The following SLIT2 variants were observed in gnomAD, a reference collection of about 807,000 sequenced individuals.
SLIT2 encodes the protein slit guidance ligand 2, also known as slit homolog 2 protein.
A neutral mutation model predicts 185.7 loss-of-function variants in SLIT2; 41 were observed. The observed-to-expected ratio is 0.22, with a 90% confidence interval of 0.17 to 0.29. The LOEUF (loss-of-function observed/expected upper bound fraction) is 0.29. Ranked by LOEUF, SLIT2 falls within the 10% of genes least tolerant of loss-of-function variation. The pLI, the probability that SLIT2 is intolerant of heterozygous loss-of-function variation, is 1.00. For missense variants in SLIT2, 1,571 were observed against 1,909.0 expected (o/e 0.82, Z 3.30); for synonymous variants, 693 against 680.2 (o/e 1.02, Z -0.29).
At position 20,380,235 on chromosome 4, in the gene SLIT2, A is replaced by T. The variant is rs529368920; in HGVS notation, c.396-87517A>T. 2.0e-5 allele frequency among the ~76,000 whole-genome samples: 3 copies of T among 152,288 alleles called. No individual in the cohort carries two copies. The East Asian group carries it at 5.8e-4, about 29-fold the overall frequency. On this transcript the variant is annotated intron_variant, in intron 4 of 36. Transcript: ENST00000504154. ...AGTCCCAGATCAAATGCTCTTCTGGACTTCCCTTAACAAATCTTATAAGCA... is the reference window on the plus strand; with the variant it reads ...AGTCCCAGATCAAATGCTCTTCTGGTCTTCCCTTAACAAATCTTATAAGCA...
At chr4:20,483,247 T>C (rs1447132202) in intron 6 of SLIT2, among the ~76,000 whole-genome samples, 3 of 151,990 alleles carry the variant, frequency 2.0e-5, no homozygotes, top group Admixed American at 6.6e-5. Context: ...TGGTCATTGA[T>C]GAAAAGTATC....
At chr4:20,260,395 T>G (rs914702208) in intron 3 of SLIT2, among the ~76,000 whole-genome samples, 4 of 151,842 alleles carry the variant, frequency 2.6e-5, no homozygotes, top group Non-Finnish European at 5.9e-5. Context: ...AAAATTAGGT[T>G]TATGTTGTAA....
At chr4:20,424,583 A>G (rs1171335639) in intron 4 of SLIT2, among the ~76,000 whole-genome samples, 1 of 152,130 alleles carries the variant, frequency 6.6e-6, no homozygotes, top group Non-Finnish European at 1.5e-5. Flanking sequence ...AGATTTGACA[A>G]TCAAAATACA....
intron 4 of SLIT2, among the ~76,000 whole-genome samples, chr4:20,338,884 G>A (rs563285428): frequency 7.2e-5 from 11 of 151,918 alleles, no homozygotes; most frequent in African/African-American, 2.2e-4. Flanking sequence ...AGTCCAGGAG[G>A]AGTTTGAGAT....
chr4:20,413,691 A>G (rs940159913), intron 4 of SLIT2, among the ~76,000 whole-genome samples: 1 of 152,052 alleles, frequency 6.6e-6, no homozygotes, highest in African/African-American at 2.4e-5. Context: ...TATGAAATAT[A>G]CTTCTTTTTC....
chr4:20,256,477 A>G (rs1026767106), intron 1 of SLIT2, among the ~76,000 whole-genome samples, 195 bp from the exon 2 acceptor site: 2 of 152,218 alleles, frequency 1.3e-5, no homozygotes, highest in African/African-American at 4.8e-5. Flanking sequence ...ATATGCCAGC[A>G]AGAATGAACC....
chr4:20,548,384 T>G, intron 22 of SLIT2, 104 bp from the exon 23 acceptor site: 1 of 638,820 alleles, frequency 1.6e-6, no homozygotes, highest in Non-Finnish European at 2.8e-6. Context: ...AGCTGAATGC[T>G]AACAATACTG....
intron 29 of SLIT2, chr4:20,573,246 A>G: frequency 1.4e-6 from 1 of 702,898 alleles, no homozygotes; most frequent in Non-Finnish European, 2.6e-6. Flanking sequence ...GCTAATCTGA[A>G]TGAGGTGGAA....
intron 4 of SLIT2, among the ~76,000 whole-genome samples, chr4:20,404,934 A>AT (rs1256835126): frequency 2.0e-5 from 3 of 151,876 alleles, no homozygotes; most frequent in Non-Finnish European, 2.9e-5. Flanking sequence ...AAATACTGGT[A>AT]TTTTTTTCTG....
At chr4:20,524,918 G>A (rs76312372) in intron 14 of SLIT2, among the ~76,000 whole-genome samples, 11 of 151,884 alleles carry the variant, frequency 7.2e-5, no homozygotes, top group South Asian at 2.1e-4. Context: ...TTTCACATTC[G>A]GCAGTTAATT....
At chr4:20,524,663 A>G (rs1721128935) in intron 14 of SLIT2, among the ~76,000 whole-genome samples, 1 of 152,198 alleles carries the variant, frequency 6.6e-6, no homozygotes, top group South Asian at 2.1e-4. Context: ...GCACTTTCTC[A>G]GTTTGCATTC....
chr4:20,472,389 GATATAT>G (rs1560453776), intron 5 of SLIT2, among the ~76,000 whole-genome samples: 5 of 9,318 alleles, frequency 5.4e-4, no homozygotes, highest in East Asian at 8.9e-3. Context: ...TATATATGTA[GATATAT>G]AGATATAGAT....
chr4:20,539,596 A>C lies in SLIT2; in HGVS notation c.1976+12A>C. ...TCTTTATCTACTCTGTAAGTATGAA[A>C]AATAGCCCTTATGTATTACTTGAGC... On this transcript the variant is annotated intron_variant, in intron 19 of 36. Transcript: ENST00000504154. 1 of 1,580,372 alleles carries C rather than the reference A, an allele frequency of 6.3e-7. No individual in the cohort carries two copies. The highest frequency in any genetic ancestry group is 8.7e-7 in the Non-Finnish European group (1 of 1,154,646).
chr4:20,403,335 A>G (rs1048889539), intron 4 of SLIT2, among the ~76,000 whole-genome samples: 2 of 151,982 alleles, frequency 1.3e-5, no homozygotes, highest in African/African-American at 4.8e-5. Context: ...TTGGCAAACC[A>G]TACACCAATT....
At chr4:20,493,230 C>T (rs1369835117) in intron 9 of SLIT2, among the ~76,000 whole-genome samples, 2 of 152,104 alleles carry the variant, frequency 1.3e-5, no homozygotes, top group Non-Finnish European at 1.5e-5. Flanking sequence ...AATGTTGAGG[C>T]ATCGTGAAAT....
At chr4:20,608,919 G>C (rs538785440) in intron 33 of SLIT2, among the ~76,000 whole-genome samples, 84 of 152,204 alleles carry the variant, frequency 5.5e-4, no homozygotes, top group African/African-American at 1.9e-3. Context: ...AGTCTTCCCA[G>C]TATCCCAGCA....
At chr4:20,507,649 ATATT>A (rs1389819429) in intron 9 of SLIT2, among the ~76,000 whole-genome samples, 2 of 151,652 alleles carry the variant, frequency 1.3e-5, no homozygotes, top group African/African-American at 4.8e-5. Context: ...TAGACATTAA[ATATT>A]TATAGGGTGA....
chr4:20,608,227 T>C (rs372304737), intron 33 of SLIT2, among the ~76,000 whole-genome samples: 37 of 152,206 alleles, frequency 2.4e-4, no homozygotes, highest in East Asian at 2.1e-3. Context: ...TTTATTAGCA[T>C]TTACTGAAGA....
intron 29 of SLIT2, among the ~76,000 whole-genome samples, chr4:20,585,217 C>T (rs1434211416): frequency 6.6e-6 from 1 of 152,178 alleles, no homozygotes; most frequent in Non-Finnish European, 1.5e-5. Context: ...ATTTACTAAC[C>T]TCTCTTATCC....
Sources: allele counts gnomAD v4.1 joint callset (sites outside exome capture counted in the v4.1 genomes callset), GRCh38; gene constraint gnomAD v4.1.1; transcripts MANE v1.5; gene names NCBI Gene and HGNC (gene_info 2026-07-23, HGNC 2026-07-21).